Variants in SOX13 observed in about 807,000 individuals in gnomAD.
SOX13 encodes the protein SRY-box transcription factor 13.
In SOX13, 28 loss-of-function variants were observed where a neutral mutation model predicts 71.8. That is an observed-to-expected ratio of 0.39 (90% CI 0.29 to 0.53). The LOEUF (loss-of-function observed/expected upper bound fraction) is 0.53. SOX13 is among the 20% of genes least tolerant of loss of function. SOX13 has a pLI of 0.70. For missense variants in SOX13, 627 were observed against 810.3 expected, an observed-to-expected ratio of 0.77 and a Z score of 2.75; for synonymous variants, 309 against 317.8, an observed-to-expected ratio of 0.97 and a Z score of 0.29.
At chr1:204,124,001 C>A (rs748646782) in intron 12 of SOX13, among the ~76,000 whole-genome samples, 197 bp downstream of exon 12, 3 of 152,164 alleles carry the variant, frequency 2.0e-5, no homozygotes, top group Non-Finnish European at 4.4e-5. Context: ...TTCGGTAGCA[C>A]CTGTCCTCAA....
chr1:204,116,469 TAA>T, intron 4 of SOX13, 36 bp from the exon 5 acceptor site: 1 of 1,612,844 alleles, frequency 6.2e-7, no homozygotes, highest in Non-Finnish European at 8.5e-7. Context: ...GATGAACAAG[TAA>T]AAAGTCTCAA....
rs1222489326 is a variant in SOX13 at position 204,113,143 on chromosome 1, C to A, written c.219+9C>A. The stretch of plus-strand genomic sequence containing the variant: ...ATTTCAGGGGCTCCTGGGTCAGTGT[C>A]CCCGCCCTGCCTCCATCCTCACACC... On this transcript the variant is annotated intron_variant, in intron 2 of 13. Transcript: ENST00000367204. 1.3e-6 allele frequency: 2 copies of A among 1,523,694 alleles called. No individual in the cohort carries two copies. Among genetic ancestry groups the A allele is most frequent in the African/African-American group, 2.8e-5 (2 of 72,446 alleles). The allele number at this position is 1,523,694 out of a possible 1,614,324, so 94.4% of individuals were successfully genotyped here. A position where few individuals can be genotyped will look rare whatever the true frequency, so the allele number is the denominator to read the frequency against.
At chr1:204,122,648 T>C (rs1656833391) in intron 9 of SOX13, 3 of 603,764 alleles carry the variant, frequency 5.0e-6, no homozygotes, top group Non-Finnish European at 8.9e-6. Context: ...TTCTAGTCTA[T>C]TGACATGCAC....
At chr1:204,107,609 A>C (rs1249866964) in intron 1 of SOX13, among the ~76,000 whole-genome samples, 3 of 152,116 alleles carry the variant, frequency 2.0e-5, no homozygotes, top group African/African-American at 4.8e-5. Context: ...AAGACCAGAC[A>C]GGGCAGGGAA....
rs749435745 is a variant in SOX13, at chr1:204,123,666, C to T, written c.1237C>T (p.Arg413Cys). 6.2e-6 allele frequency: 10 copies of T among 1,613,530 alleles called. No individual in the cohort carries two copies. Among genetic ancestry groups the T allele is most frequent in the Middle Eastern group, 1.6e-4 (1 of 6,084 alleles). ...ACTTCACTCCTGTCTCCCAGGCTCC[C>T]GCCACTTCCCCGAGTCCCGAAACAG... Reference protein sequence around the residue: ...AMLSCDMDGSRHFPESRNSSH... With the variant: ...AMLSCDMDGSCHFPESRNSSH... The change falls in exon 12 of 14, where the codon CGC becomes TGC. Residue 413 changes from arginine to cysteine, a missense_variant. Physicochemically the swap from Arg to Cys is radical, Grantham distance 180. Coordinates refer to ENST00000367204, the MANE Select transcript of SOX13 (RefSeq NM_005686.3). The surrounding 1 kb of genome is among the most constrained non-coding windows in gnomAD (Gnocchi z 5.0).
intron 1 of SOX13, among the ~76,000 whole-genome samples, chr1:204,091,427 T>C (rs1283051239): frequency 2.0e-5 from 3 of 152,196 alleles, no homozygotes; most frequent in Non-Finnish European, 2.9e-5. Context: ...AATGGTTTGG[T>C]ATATTTGTGA....
intron 1 of SOX13, among the ~76,000 whole-genome samples, chr1:204,074,559 T>C (rs1027370109): frequency 1.3e-5 from 2 of 152,162 alleles, no homozygotes; most frequent in Non-Finnish European, 2.9e-5. Context: ...GCGCCGGCTC[T>C]GGCTGCTTCC....
At chr1:204,092,579 T>C (rs1313533337) in intron 1 of SOX13, among the ~76,000 whole-genome samples, 1 of 152,206 alleles carries the variant, frequency 6.6e-6, no homozygotes, top group African/African-American at 2.4e-5. Flanking sequence ...GTGATGTATA[T>C]ATTATGGCCC....
intron 1 of SOX13, among the ~76,000 whole-genome samples, chr1:204,097,482 G>A (rs139469269): frequency 0.012 from 1,746 of 151,756 alleles, 36 homozygotes; most frequent in African/African-American, 0.04. Context: ...ACCTGAGGTC[G>A]GGAGTTTGAG....
rs1656861248 is a variant in SOX13 at position 204,123,755 on chromosome 1, C to T, written c.1326C>T (p.Ile442=). The T allele has an allele frequency of 6.2e-7, 1 of 1,614,196 alleles. No individual in the cohort carries two copies. The highest frequency in any genetic ancestry group is 1.3e-5 in the African/African-American group (1 of 75,052). ...MVWAKDERRK[I]LQAFPDMHNS... is the part of the protein sequence containing the mutation. The stretch of plus-strand genomic sequence containing the variant: ...GGGCCAAGGATGAGCGGAGGAAGAT[C>T]CTGCAAGCCTTCCCAGACATGCACA... Residue 442 remains isoleucine (I), a synonymous_variant, in exon 12 of 14, where the codon ATC becomes ATT. Coordinates refer to ENST00000367204, the MANE Select transcript of SOX13 (RefSeq NM_005686.3). The surrounding 1 kb of genome is among the most constrained non-coding windows in gnomAD (Gnocchi z 5.0).
At chr1:204,114,626 G>A in intron 4 of SOX13, 21 bp downstream of exon 4, 1 of 1,583,632 alleles carries the variant, frequency 6.3e-7, no homozygotes, top group Non-Finnish European at 8.7e-7. Flanking sequence ...GTTGGGGGTG[G>A]GGGAGATGTT....
intron 1 of SOX13, among the ~76,000 whole-genome samples, chr1:204,082,151 G>T (rs950737811): frequency 1.1e-4 from 17 of 151,856 alleles, no homozygotes; most frequent in Admixed American, 3.3e-4. Flanking sequence ...GGGTGTATGT[G>T]TGGGGGGCCA....
intron 1 of SOX13, among the ~76,000 whole-genome samples, chr1:204,106,813 ATAAAT>A (rs1656480180): frequency 6.6e-6 from 1 of 152,166 alleles, no homozygotes; most frequent in Admixed American, 6.5e-5. Context: ...CGACTCCAAA[ATAAAT>A]TAAGCGTGTA....
intron 1 of SOX13, among the ~76,000 whole-genome samples, chr1:204,100,519 C>T (rs61825743): frequency 3.9e-5 from 6 of 152,150 alleles, no homozygotes; most frequent in African/African-American, 1.4e-4. Context: ...TAAGCTGCTT[C>T]TCCCCTTCCT....
In SOX13 at chr1:204,117,141, A is replaced by T; in HGVS notation, c.611A>T (p.Gln204Leu). 6.2e-7 allele frequency: 1 copy of T among 1,613,848 alleles called. No individual in the cohort carries two copies. Among genetic ancestry groups the T allele is most frequent in the Non-Finnish European group, 8.5e-7 (1 of 1,179,872 alleles). The change falls in exon 6 of 14, where the codon CAG (glutamine) becomes CTG (leucine). Residue 204 changes from glutamine to leucine, a missense_variant. This residue lies in a region of SOX13 where 447 missense variants were observed against 532.2 expected (regional missense o/e 0.84). Coordinates refer to ENST00000367204, the MANE Select transcript of SOX13 (RefSeq NM_005686.3). The stretch of plus-strand genomic sequence containing the variant: ...TCCCAGATTGCAAAGCAGCAGCAGC[A>T]GCTGATTCAGCAGCAGCATAAGATC... Reference protein sequence around the residue: ...QQEQIAKQQQQLIQQQHKINL... With the variant: ...QQEQIAKQQQLLIQQQHKINL...
chr1:204,117,456 G>T (rs1401512451), intron 6 of SOX13, 137 bp from the exon 7 acceptor site: 7 of 679,354 alleles, frequency 1.0e-5, no homozygotes, highest in Non-Finnish European at 1.8e-5. Flanking sequence ...TAGGGTCAAA[G>T]GGATCCTTTG....
rs1207652315 is a variant in SOX13, at chr1:204,081,259, T to C, written c.-2+7548T>C. Among the ~76,000 whole-genome samples the C allele has an allele frequency of 7.6e-6, 1 of 130,788 alleles. No individual in the cohort carries two copies. Among genetic ancestry groups the C allele is most frequent in the African/African-American group, 2.6e-5 (1 of 37,890 alleles). 85.8% of individuals were successfully genotyped at this position (130,788 alleles called of 152,430 possible). ...AAGATCGTGGCTCATATTCGTTTTC[T>C]TATTTCTGTAGTCTCTAAGAGTAAT... On this transcript the variant is annotated intron_variant, in intron 1 of 13. Transcript: ENST00000367204. This position sits in a 1 kb window ranked among gnomAD's most constrained non-coding sequence, Gnocchi z 4.3.
chr1:204,103,567 G>A (rs1656401389), intron 1 of SOX13, among the ~76,000 whole-genome samples: 1 of 152,250 alleles, frequency 6.6e-6, no homozygotes, highest in Non-Finnish European at 1.5e-5. Context: ...TTGCATGCTT[G>A]CTTTTTGCCT....
chr1:204,085,656 C>T (rs1656000216), intron 1 of SOX13, among the ~76,000 whole-genome samples: 1 of 148,018 alleles, frequency 6.8e-6, no homozygotes, highest in Non-Finnish European at 1.5e-5. Flanking sequence ...GTAGGAATTA[C>T]AAAAGCAGAA....
Sources: allele counts gnomAD v4.1 joint callset (sites outside exome capture counted in the v4.1 genomes callset), GRCh38; gene constraint gnomAD v4.1.1; regional missense constraint gnomAD v4.1.1; non-coding constraint Gnocchi (gnomAD v3.1); transcripts MANE v1.5; gene names NCBI Gene and HGNC (gene_info 2026-07-23, HGNC 2026-07-21).